CDK14: variants seen among roughly 807,000 people sequenced by gnomAD.
CDK14 encodes cyclin dependent kinase 14, also known as cyclin-dependent kinase 14.
Under a neutral mutation model 60.7 loss-of-function variants are expected in CDK14, and 34 were observed. The ratio of observed to expected loss-of-function variants is 0.56; its 90% CI spans 0.43 to 0.75. CDK14 has a LOEUF of 0.75. Among genes scored for constraint, CDK14 ranks in the 30% least tolerant of loss-of-function variants. The pLI is 0.00. For synonymous variants in CDK14, 197 were observed against 203.7 expected (o/e 0.97, Z 0.28); for missense variants, 482 against 564.1 (o/e 0.85, Z 1.47).
At chr7:91,175,484 A>T (rs1429293343) in intron 14 of CDK14, among the ~76,000 whole-genome samples, 1 of 152,208 alleles carries the variant, frequency 6.6e-6, no homozygotes, top group African/African-American at 2.4e-5. Flanking sequence ...TAAATGGACT[A>T]AATGCTCCAA....
chr7:90,953,625 A>C (rs1006293542), intron 8 of CDK14, among the ~76,000 whole-genome samples: 14 of 152,134 alleles, frequency 9.2e-5, no homozygotes, highest in African/African-American at 2.9e-4. Flanking sequence ...GTTTTTTTAT[A>C]ACTAGCCTGG....
At chr7:90,834,862 A>C (rs1157027256) in intron 5 of CDK14, among the ~76,000 whole-genome samples, 1 of 152,190 alleles carries the variant, frequency 6.6e-6, no homozygotes, top group Admixed American at 6.5e-5. Context: ...CATGATGTCT[A>C]GTTGGCAGCT....
At chr7:90,866,273 C>G (rs74797936) in intron 6 of CDK14, among the ~76,000 whole-genome samples, 11,807 of 148,420 alleles carry the variant, frequency 0.08, 593 homozygotes, top group Middle Eastern at 0.21. Context: ...CACACACACA[C>G]AGAACTTTGT....
chr7:91,116,799 G>T (rs1240974281), intron 13 of CDK14, among the ~76,000 whole-genome samples: 1 of 151,886 alleles, frequency 6.6e-6, no homozygotes, highest in African/African-American at 2.4e-5. Flanking sequence ...TTCCAGGACA[G>T]TATTCTCTCA....
At chr7:90,787,888 C>G (rs747479346) in intron 4 of CDK14, among the ~76,000 whole-genome samples, 1 of 152,042 alleles carries the variant, frequency 6.6e-6, no homozygotes, top group Non-Finnish European at 1.5e-5. Context: ...ACCTTTTTCA[C>G]TATGAAAATA....
At chr7:90,957,401 G>A (rs1562844743) in intron 9 of CDK14, among the ~76,000 whole-genome samples, 1 of 152,164 alleles carries the variant, frequency 6.6e-6, no homozygotes, top group African/African-American at 2.4e-5. Context: ...AAGAAAAGAG[G>A]AAGTCAAATT....
chr7:90,835,636 T>A (rs903207382), intron 5 of CDK14, among the ~76,000 whole-genome samples: 8 of 152,178 alleles, frequency 5.3e-5, no homozygotes, highest in Non-Finnish European at 7.3e-5. Context: ...CTCCCTCACC[T>A]CCTCCTCCTG....
intron 10 of CDK14, among the ~76,000 whole-genome samples, chr7:91,018,312 C>T (rs1049203615): frequency 2.0e-5 from 3 of 152,222 alleles, no homozygotes; most frequent in South Asian, 4.2e-4. Flanking sequence ...AGAGAACTGT[C>T]TTAGTCTCTT....
At chr7:90,639,040 T>A (rs1800243121) in intron 2 of CDK14, among the ~76,000 whole-genome samples, 1 of 152,286 alleles carries the variant, frequency 6.6e-6, no homozygotes, top group South Asian at 2.1e-4. Flanking sequence ...ATCTAAATTT[T>A]TTTCAAAGTT....
At chr7:90,823,854 G>C (rs1789631447) in intron 5 of CDK14, among the ~76,000 whole-genome samples, 1 of 152,106 alleles carries the variant, frequency 6.6e-6, no homozygotes, top group Non-Finnish European at 1.5e-5. Context: ...TTTTCACATT[G>C]TTATTTTGAA....
intron 2 of CDK14, among the ~76,000 whole-genome samples, chr7:90,678,730 T>C (rs1031715684): frequency 6.6e-6 from 1 of 152,190 alleles, no homozygotes; most frequent in Non-Finnish European, 1.5e-5. Context: ...TCAGAAATCA[T>C]AATTGGTTCA....
chr7:91,190,988 A>T (rs922181868), intron 14 of CDK14, among the ~76,000 whole-genome samples: 1 of 152,142 alleles, frequency 6.6e-6, no homozygotes, highest in South Asian at 2.1e-4. Flanking sequence ...ACCAGAGATC[A>T]ACCCCACACT....
intron 2 of CDK14, among the ~76,000 whole-genome samples, chr7:90,620,180 G>A (rs951282038): frequency 1.2e-4 from 18 of 152,128 alleles, no homozygotes; most frequent in African/African-American, 4.3e-4. Context: ...CTTTCAGTGG[G>A]ACATCTACCA....
intron 14 of CDK14, among the ~76,000 whole-genome samples, chr7:91,187,666 A>C (rs1247954222): frequency 6.6e-6 from 1 of 152,204 alleles, no homozygotes; most frequent in Non-Finnish European, 1.5e-5. Context: ...AAAGGAGAAC[A>C]GCTCTCCCCC....
intron 2 of CDK14, among the ~76,000 whole-genome samples, chr7:90,628,931 G>C (rs1799935060): frequency 6.6e-6 from 1 of 151,664 alleles, no homozygotes; most frequent in African/African-American, 2.4e-5. Flanking sequence ...CAGACTCTCA[G>C]GTAATGTTGA....
chr7:90,851,652 G>A (rs1790648689), intron 5 of CDK14, among the ~76,000 whole-genome samples: 1 of 152,032 alleles, frequency 6.6e-6, no homozygotes, highest in South Asian at 2.1e-4. Context: ...GTATGATAAG[G>A]TTACCTCTTT....
intron 12 of CDK14, among the ~76,000 whole-genome samples, chr7:91,094,715 T>A (rs1323621962): frequency 6.6e-6 from 1 of 152,186 alleles, no homozygotes; most frequent in Non-Finnish European, 1.5e-5. Context: ...CATCTTGGGT[T>A]CAGAATTTAG....
At chr7:91,107,252 A>G (rs1459438297) in intron 12 of CDK14, 2 of 152,220 alleles carry the variant, frequency 1.3e-5, no homozygotes, top group Non-Finnish European at 1.5e-5. Context: ...TCATTTCTGT[A>G]TGCTTTATTC....
At position 90,957,404 on chromosome 7, in the gene CDK14, G is replaced by A. The variant is rs1337007058; in HGVS notation, c.947+1587G>A. ...GGGTATTCAATTAAGAAAAGAGGAAGTCAAATTGTCCCTGTTTGCAGACGA... is the reference window on the plus strand; with the variant it reads ...GGGTATTCAATTAAGAAAAGAGGAAATCAAATTGTCCCTGTTTGCAGACGA... On this transcript the variant is annotated intron_variant, in intron 9 of 14. Coordinates refer to ENST00000380050, the MANE Select transcript of CDK14 (RefSeq NM_001287135.2). Among the ~76,000 whole-genome samples, 6 of 152,178 alleles carry A rather than the reference G, an allele frequency of 3.9e-5. No homozygotes were observed. The East Asian group carries it at 1.2e-3, about 29-fold the overall frequency.
Sources: gnomAD v4.1 joint callset for allele counts (sites outside exome capture counted in the v4.1 genomes callset) on GRCh38, gnomAD v4.1.1 for gene constraint, MANE v1.5 for transcripts, NCBI Gene and HGNC (gene_info 2026-07-23, HGNC 2026-07-21) for gene names.